The following RFTN1 variants were observed in gnomAD, a reference collection of about 807,000 sequenced individuals.
The protein encoded by RFTN1 is raftlin.
Under a neutral mutation model 46.5 loss-of-function variants are expected in RFTN1, and 26 were observed. That is an observed-to-expected ratio of 0.56 (90% CI 0.41 to 0.78). RFTN1 has a LOEUF of 0.78. Ranked by LOEUF, RFTN1 falls within the 30% of genes least tolerant of loss-of-function variation. The pLI is 0.00. For missense variants in RFTN1, 693 were observed against 718.7 expected (o/e 0.96, Z 0.41); for synonymous variants, 261 against 284.2 (o/e 0.92, Z 0.82).
At position 16,446,451 on chromosome 3, in the gene RFTN1, G is replaced by A. The variant is rs561368311; in HGVS notation, c.146-12414C>T. Reference sequence around the variant, plus strand: ...TCATCTCTCGGTCCACGTCCAACAAGCAGAAGGGACACCTCACTTTCAGGT... The same window carrying A: ...TCATCTCTCGGTCCACGTCCAACAAACAGAAGGGACACCTCACTTTCAGGT... On this transcript the variant is annotated intron_variant, in intron 2 of 9. Transcript: ENST00000334133. This position sits in a 1 kb window ranked among gnomAD's most constrained non-coding sequence, Gnocchi z 4.5. Among the ~76,000 whole-genome samples, 6 of 152,094 alleles carry A rather than the reference G, an allele frequency of 3.9e-5. No homozygotes were observed. The East Asian group carries it at 1.2e-3, about 29-fold the overall frequency.
intron 4 of RFTN1, among the ~76,000 whole-genome samples, chr3:16,390,724 T>A (rs1274808215): frequency 1.3e-5 from 2 of 152,186 alleles, no homozygotes; most frequent in Non-Finnish European, 2.9e-5. Context: ...TCTGTGTTAT[T>A]CTTAAGGCAT....
intron 2 of RFTN1, among the ~76,000 whole-genome samples, chr3:16,490,631 C>A (rs769827749): frequency 6.6e-5 from 10 of 152,200 alleles, no homozygotes; most frequent in African/African-American, 1.2e-4. Context: ...TGCCGACATT[C>A]GCATCCCTCA....
In RFTN1 at chr3:16,377,712, A is replaced by G; in HGVS notation, c.826+6T>C. 6.3e-7 allele frequency: 1 copy of G among 1,579,902 alleles called. No homozygotes were observed. Among genetic ancestry groups the G allele is most frequent in the South Asian group, 1.1e-5 (1 of 87,378 alleles). On this transcript the variant is annotated splice_donor_region_variant and intron_variant, in intron 5 of 9. Coordinates refer to ENST00000334133, the MANE Select transcript of RFTN1 (RefSeq NM_015150.2). ...GGGTCAAAACTCCCATTGCTGACAT[A>G]CTTACTCCCTGAGAGTGGCTCTTCA...
chr3:16,316,845 T>C lies in RFTN1; in HGVS notation c.1720A>G (p.Thr574Ala). The change falls in exon 10 of 10, where the codon ACG (threonine) becomes GCG (alanine). Residue 574 changes from threonine (T) to alanine (A), a missense_variant. Transcript: ENST00000334133. This position sits in a 1 kb window ranked among gnomAD's most constrained non-coding sequence, Gnocchi z 4.5. ...CCCAAGACTCAGTTTTCTTCAACCG[T>C]ACCAAGCTCTCTGACTTCCTCAGCA... ...GDAEEVRELG[T>A]VEEN The C allele has an allele frequency of 5.6e-6, 9 of 1,614,088 alleles. No individual in the cohort carries two copies. The highest frequency in any genetic ancestry group is 5.9e-6 in the Non-Finnish European group (7 of 1,180,018).
rs1307301385 is a variant in RFTN1, at chr3:16,466,954, AG to A, written c.145+26770del. Among the ~76,000 whole-genome samples, 1 of 152,220 alleles carries A rather than the reference AG, an allele frequency of 6.6e-6. No individual in the cohort carries two copies. Among genetic ancestry groups the A allele is most frequent in the Admixed American group, 6.5e-5 (1 of 15,282 alleles). On this transcript the variant is annotated intron_variant, in intron 2 of 9. Coordinates refer to ENST00000334133, the MANE Select transcript of RFTN1 (RefSeq NM_015150.2). The surrounding 1 kb of genome is among the most constrained non-coding windows in gnomAD (Gnocchi z 5.6). ...TCTGATTGAAGAGGAGATGGTTAGT[AG>A]GGGGATGGATGCAAAGGCCAGATGT...
chr3:16,378,153 A>C (rs756322846), intron 4 of RFTN1, 51 bp from the exon 5 acceptor site: 18 of 1,514,044 alleles, frequency 1.2e-5, no homozygotes, highest in Admixed American at 8.5e-5. Flanking sequence ...TGGTCTATCA[A>C]AGGGACACGT....
At position 16,450,732 on chromosome 3, in the gene RFTN1, T is replaced by G. The variant is rs1477835381; in HGVS notation, c.146-16695A>C. Among the ~76,000 whole-genome samples, 1 of 152,200 alleles carries G rather than the reference T, an allele frequency of 6.6e-6. No homozygotes were observed. Among genetic ancestry groups the G allele is most frequent in the Non-Finnish European group, 1.5e-5 (1 of 68,030 alleles). The stretch of plus-strand genomic sequence containing the variant: ...ACAACCTTCAGAGAAGGTGTTATTT[T>G]GCCTTCTCTTACCTTTTCATCAGAC... On this transcript the variant is annotated intron_variant, in intron 2 of 9. Coordinates refer to ENST00000334133, the MANE Select transcript of RFTN1 (RefSeq NM_015150.2). This position sits in a 1 kb window ranked among gnomAD's most constrained non-coding sequence, Gnocchi z 4.6.
chr3:16,397,289 CAAAA>C (rs55675031), intron 4 of RFTN1, among the ~76,000 whole-genome samples: 1 of 151,198 alleles, frequency 6.6e-6, no homozygotes, highest in Non-Finnish European at 1.5e-5. Context: ...TATGTGGAAT[CAAAA>C]AAAAGAAAAT....
Position 16,361,937 on chromosome 3 carries a change from C to T in RFTN1, c.1031-3890G>A, listed in dbSNP as rs2072859073. 6.6e-6 allele frequency among the ~76,000 whole-genome samples: 1 copy of T among 152,198 alleles called. No homozygotes were observed. The highest frequency in any genetic ancestry group is 6.5e-5 in the Admixed American group (1 of 15,276). ...CAGTTCTGCCTCAACAGAGCTGCTC[C>T]AGCCAACCCCAAAATCTGCCAGAGT... On this transcript the variant is annotated intron_variant, in intron 6 of 9. Coordinates refer to ENST00000334133, the MANE Select transcript of RFTN1 (RefSeq NM_015150.2). This position sits in a 1 kb window ranked among gnomAD's most constrained non-coding sequence, Gnocchi z 4.3.
At chr3:16,343,981 C>T (rs1225850326) in intron 7 of RFTN1, among the ~76,000 whole-genome samples, 1 of 152,110 alleles carries the variant, frequency 6.6e-6, no homozygotes. Context: ...TGAGGTGGAG[C>T]AGGGTCTCAG....
intron 2 of RFTN1, among the ~76,000 whole-genome samples, chr3:16,453,693 A>G (rs1228499090): frequency 1.3e-5 from 2 of 152,238 alleles, no homozygotes; most frequent in Non-Finnish European, 2.9e-5. Context: ...ATTTACTGCT[A>G]TGGGAGTCTA....
At chr3:16,415,430 T>TATAC in intron 3 of RFTN1, among the ~76,000 whole-genome samples, 8 of 114,344 alleles carry the variant, frequency 7.0e-5, no homozygotes, top group South Asian at 5.9e-4. Context: ...TATATATATA[T>TATAC]ACACACACAC....
rs1259044393 is a variant in RFTN1 at position 16,451,898 on chromosome 3, C to T, written c.146-17861G>A. On this transcript the variant is annotated intron_variant, in intron 2 of 9. Transcript: ENST00000334133. The surrounding 1 kb of genome is among the most constrained non-coding windows in gnomAD (Gnocchi z 4.2). Reference sequence around the variant, plus strand: ...GCATCACTAGCTTTGTGCTTTGGGGCCACTGTTGAGTAAAATAAGGGTGAC... The same window carrying T: ...GCATCACTAGCTTTGTGCTTTGGGGTCACTGTTGAGTAAAATAAGGGTGAC... Among the ~76,000 whole-genome samples the T allele has an allele frequency of 6.6e-6, 1 of 152,150 alleles. No homozygotes were observed. The highest frequency in any genetic ancestry group is 2.4e-5 in the African/African-American group (1 of 41,426).
At chr3:16,409,278 T>A (rs1575245615) in intron 4 of RFTN1, 97 bp downstream of exon 4, 1 of 815,774 alleles carries the variant, frequency 1.2e-6, no homozygotes, top group Non-Finnish European at 2.1e-6. Context: ...GCATGGCCTC[T>A]TGAGTGTGGC....
In RFTN1 at chr3:16,493,809, A is replaced by T. The variant is rs1445963344; in HGVS notation, c.61T>A (p.Ser21Thr). ...TCCACCTGAGGCCTCTTCAAAGTTG[A>T]ATAAATATTCCCAGGCCGTTTTTCA... is the stretch of plus-strand genomic sequence containing the variant. ...RDEKRPGNIY[S>T]TLKRPQVETK... Residue 21 changes from serine to threonine, a missense_variant, in exon 2 of 10, where the codon TCA (serine) becomes ACA (threonine). Physicochemically the swap from Ser to Thr is moderately conservative, Grantham distance 58 (BLOSUM62 1). Coordinates refer to ENST00000334133, the MANE Select transcript of RFTN1 (RefSeq NM_015150.2). 6.2e-7 allele frequency: 1 copy of T among 1,614,176 alleles called. No homozygotes were observed. The highest frequency in any genetic ancestry group is 1.1e-5 in the South Asian group (1 of 91,072).
chr3:16,344,488 G>A lies in RFTN1; in HGVS notation c.1146+13444C>T, dbSNP rs758918680. 6.6e-6 allele frequency among the ~76,000 whole-genome samples: 1 copy of A among 152,070 alleles called. No homozygotes were observed. The highest frequency in any genetic ancestry group is 1.5e-5 in the Non-Finnish European group (1 of 68,020). ...TCTTCCCCACTCTCAGACCTGCCCT[G>A]GCCTTCTTCCCCCTCGCCCAACTAG... On this transcript the variant is annotated intron_variant, in intron 7 of 9. Coordinates refer to ENST00000334133, the MANE Select transcript of RFTN1 (RefSeq NM_015150.2). The surrounding 1 kb of genome is among the most constrained non-coding windows in gnomAD (Gnocchi z 4.4).
chr3:16,331,768 T>C (rs1404477381), intron 7 of RFTN1, among the ~76,000 whole-genome samples: 2 of 152,218 alleles, frequency 1.3e-5, no homozygotes, highest in Non-Finnish European at 2.9e-5. Context: ...TCTCTTTTTT[T>C]GGTTTCCTTC....
intron 3 of RFTN1, among the ~76,000 whole-genome samples, chr3:16,417,798 T>G (rs1326646726): frequency 6.6e-6 from 1 of 152,086 alleles, no homozygotes; most frequent in African/African-American, 2.4e-5. Flanking sequence ...AGCTTTGGCC[T>G]TCCAGCTCAA....
intron 3 of RFTN1, among the ~76,000 whole-genome samples, chr3:16,411,518 A>G (rs2074980150): frequency 6.6e-6 from 1 of 152,240 alleles, no homozygotes; most frequent in Non-Finnish European, 1.5e-5. Context: ...AACTGATTTC[A>G]ATCTGGAACA....
Sources: allele counts gnomAD v4.1 joint callset (sites outside exome capture counted in the v4.1 genomes callset), GRCh38; gene constraint gnomAD v4.1.1; non-coding constraint Gnocchi (gnomAD v3.1); transcripts MANE v1.5; gene names NCBI Gene and HGNC (gene_info 2026-07-23, HGNC 2026-07-21).